The following SMAD2 variants were observed in gnomAD, a reference collection of about 807,000 sequenced individuals.
SMAD2 encodes the protein MAD homolog 2.
SMAD2 carries 8 observed loss-of-function variants against 64.4 expected under a neutral mutation model. The observed-to-expected ratio is 0.12, with a 90% CI of 0.07 to 0.22. The LOEUF (loss-of-function observed/expected upper bound fraction) is 0.22. Ranked by LOEUF, SMAD2 falls within the 10% of genes least tolerant of loss-of-function variation. The pLI, the probability that SMAD2 is intolerant of heterozygous loss-of-function variation, is 1.00. For synonymous variants in SMAD2, 203 were observed against 195.8 expected, an observed-to-expected ratio of 1.04 and a Z score of -0.31; for missense variants, 289 against 561.2, an observed-to-expected ratio of 0.51 and a Z score of 4.90.
In SMAD2 at chr18:47,816,883, C is replaced by T. The variant is rs1464867337; in HGVS notation, c.*24944G>A. On this transcript the variant is annotated 3_prime_UTR_variant, in exon 11 of 11. Coordinates refer to ENST00000262160, the MANE Select transcript of SMAD2 (RefSeq NM_005901.6). ...GTTCAAGCCAATCTTCTGCCTCAGC[C>T]TCCCAAGTAGCGGGATCATAGGCAC... 2 of 151,922 alleles carry T rather than the reference C, an allele frequency of 1.3e-5. No individual in the cohort carries two copies. Among genetic ancestry groups the T allele is most frequent in the African/African-American group, 4.8e-5 (2 of 41,320 alleles). 9.4% of individuals were successfully genotyped at this position (151,922 alleles called of 1,614,324 possible).
rs535715452 is a variant in SMAD2, at chr18:47,825,825, C to A, written c.*16002G>T. 41 of 152,286 alleles carry A rather than the reference C, an allele frequency of 2.7e-4. No individual in the cohort carries two copies. The highest frequency in any genetic ancestry group is 9.9e-4 in the African/African-American group (41 of 41,558). 9.4% of individuals were successfully genotyped at this position (152,286 alleles called of 1,614,324 possible). The stretch of plus-strand genomic sequence containing the variant: ...TTAAAACATGCCTTGATCAGTCAAC[C>A]AAATTACTGCTAAACCAGTATTGGG... On this transcript the variant is annotated 3_prime_UTR_variant, in exon 11 of 11. Coordinates refer to ENST00000262160, the MANE Select transcript of SMAD2 (RefSeq NM_005901.6).
At position 47,837,533 on chromosome 18, in the gene SMAD2, G is replaced by C. The variant is rs1445391155; in HGVS notation, c.*4294C>G. 3 of 215,284 alleles carry C rather than the reference G, an allele frequency of 1.4e-5. No individual in the cohort carries two copies. The highest frequency in any genetic ancestry group is 1.9e-4 in the South Asian group (1 of 5,136). The allele number at this position is 215,284 out of a possible 1,614,324, so 13.3% of individuals were successfully genotyped here. A position where few individuals can be genotyped will look rare whatever the true frequency, so the allele number is the denominator to read the frequency against. Reference sequence around the variant, plus strand: ...ACCAAGATCGCACCACTGCACTCCAGGTTGGGCAACAGAGCGAGACTCCCT... The same window carrying C: ...ACCAAGATCGCACCACTGCACTCCACGTTGGGCAACAGAGCGAGACTCCCT... On this transcript the variant is annotated 3_prime_UTR_variant, in exon 11 of 11. Coordinates refer to ENST00000262160, the MANE Select transcript of SMAD2 (RefSeq NM_005901.6).
intron 6 of SMAD2, among the ~76,000 whole-genome samples, chr18:47,852,747 G>T (rs1237186915): frequency 3.3e-5 from 5 of 151,970 alleles, no homozygotes; most frequent in African/African-American, 1.2e-4. Context: ...AAAATGATCT[G>T]TTTCTTCTTT....
Position 47,826,685 on chromosome 18 carries a change from T to C in SMAD2, c.*15142A>G, listed in dbSNP as rs1474170727. The C allele has an allele frequency of 6.6e-6, 1 of 152,238 alleles. No individual in the cohort carries two copies. Among genetic ancestry groups the C allele is most frequent in the African/African-American group, 2.4e-5 (1 of 41,460 alleles). The allele number at this position is 152,238 out of a possible 1,614,324, so 9.4% of individuals were successfully genotyped here. A position where few individuals can be genotyped will look rare whatever the true frequency, so the allele number is the denominator to read the frequency against. On this transcript the variant is annotated 3_prime_UTR_variant, in exon 11 of 11. Transcript: ENST00000262160. The stretch of plus-strand genomic sequence containing the variant: ...ATTGCTGCACACCACTGGGTTTTTG[T>C]GGTTGCTACGAGTTACTTTTGCGGC...
intron 1 of SMAD2, among the ~76,000 whole-genome samples, chr18:47,903,656 TA>T (rs1220894932): frequency 6.6e-6 from 1 of 151,882 alleles, no homozygotes; most frequent in African/African-American, 2.4e-5. Flanking sequence ...ATAAAAATGC[TA>T]AAGAAACTGA....
At chr18:47,889,501 G>A (rs1230382238) in intron 2 of SMAD2, among the ~76,000 whole-genome samples, 1 of 152,138 alleles carries the variant, frequency 6.6e-6, no homozygotes, top group Non-Finnish European at 1.5e-5. Flanking sequence ...GTCGGGCGCG[G>A]TGGCTCACAC....
chr18:47,917,984 C>A (rs1175565813), intron 1 of SMAD2, among the ~76,000 whole-genome samples: 1 of 152,174 alleles, frequency 6.6e-6, no homozygotes, highest in African/African-American at 2.4e-5. Flanking sequence ...TAACTCTAGG[C>A]TAGCTGTAGG....
At position 47,837,141 on chromosome 18, in the gene SMAD2, A is replaced by C. The variant is rs1293470071; in HGVS notation, c.*4686T>G. 4 of 202,854 alleles carry C rather than the reference A, an allele frequency of 2.0e-5. No homozygotes were observed. The highest frequency in any genetic ancestry group is 4.0e-5 in the Non-Finnish European group (4 of 98,858). 12.6% of individuals were successfully genotyped at this position (202,854 alleles called of 1,614,324 possible). Reference sequence around the variant, plus strand: ...AACAGAATTTTTGAGCCATTTGTAAAATTAAAATGATTGATCAATTTGAAT... The same window carrying C: ...AACAGAATTTTTGAGCCATTTGTAACATTAAAATGATTGATCAATTTGAAT... On this transcript the variant is annotated 3_prime_UTR_variant, in exon 11 of 11. Transcript: ENST00000262160.
rs1026044254 is a variant in SMAD2, at chr18:47,851,173, C to A, written c.784+101G>T. 3 of 832,770 alleles carry A rather than the reference C, an allele frequency of 3.6e-6. No homozygotes were observed. In the African/African-American group the frequency reaches 5.1e-5, roughly 14 times the overall value. 51.6% of individuals were successfully genotyped at this position (832,770 alleles called of 1,614,324 possible). The stretch of plus-strand genomic sequence containing the variant: ...TAATTATTTGGCTATTCATTAGGAT[C>A]CCTTTCTCGGATATATAAAAAATAA... On this transcript the variant is annotated intron_variant, in intron 7 of 10. Transcript: ENST00000262160.
chr18:47,930,807 CGGCTGGCGGGCTGCT>C (rs1246949797), upstream of SMAD2: 1 of 147,472 alleles, frequency 6.8e-6, no homozygotes, highest in African/African-American at 2.4e-5. Context: ...CACCTCCCGG[CGGCTGGCGGGCTGCT>C]GGCTGGCGAG....
chr18:47,921,776 T>A (rs935490415), intron 1 of SMAD2, among the ~76,000 whole-genome samples: 1 of 152,250 alleles, frequency 6.6e-6, no homozygotes, highest in Non-Finnish European at 1.5e-5. Context: ...TAAAGTTGAC[T>A]GATTTTTCTA....
At chr18:47,850,136 G>C (rs1331463232) in intron 7 of SMAD2, among the ~76,000 whole-genome samples, 5 of 124,954 alleles carry the variant, frequency 4.0e-5, no homozygotes, top group Non-Finnish European at 7.9e-5. Context: ...GTTATGAAGG[G>C]ACCATACACA....
chr18:47,879,734 A>G (rs956098947), intron 2 of SMAD2, among the ~76,000 whole-genome samples: 5 of 152,086 alleles, frequency 3.3e-5, no homozygotes, highest in African/African-American at 1.2e-4. Context: ...GGATAGATGC[A>G]TGTTTAGCTT....
At chr18:47,879,873 G>C (rs2032487754) in intron 2 of SMAD2, among the ~76,000 whole-genome samples, 1 of 152,058 alleles carries the variant, frequency 6.6e-6, no homozygotes, top group Admixed American at 6.6e-5. Flanking sequence ...TTAAATTATA[G>C]GTAGTCTGAT....
chr18:47,881,889 G>GTTTT (rs2032612889), intron 2 of SMAD2, among the ~76,000 whole-genome samples: 1 of 151,762 alleles, frequency 6.6e-6, no homozygotes, highest in Admixed American at 6.6e-5. Context: ...TTGTTTGTTT[G>GTTTT]TTTTGCCCGA....
At chr18:47,843,464 C>T (rs531059824) in intron 10 of SMAD2, among the ~76,000 whole-genome samples, 2 of 152,198 alleles carry the variant, frequency 1.3e-5, no homozygotes, top group Admixed American at 6.5e-5. Flanking sequence ...GGCTGCCACT[C>T]GATTAAATAC....
chr18:47,866,160 C>T (rs1792672), intron 5 of SMAD2, among the ~76,000 whole-genome samples: 89,068 of 151,262 alleles, frequency 0.59, 26,573 homozygotes, highest in East Asian at 0.81. Flanking sequence ...CTACTAAAAA[C>T]ACAAAATTAG....
intron 1 of SMAD2, among the ~76,000 whole-genome samples, chr18:47,924,928 T>TTCACTATGCTACTTCCTCAGATC (rs1358581031): frequency 6.6e-6 from 1 of 152,252 alleles, no homozygotes; most frequent in East Asian, 1.9e-4. Context: ...AGATCACAGA[T>TTCACTATGCTACTTCCTCAGATC]TCACTATGCT....
In SMAD2 at chr18:47,826,092, C is replaced by T. The variant is rs888261567; in HGVS notation, c.*15735G>A. The T allele has an allele frequency of 6.6e-6, 1 of 152,218 alleles. No homozygotes were observed. The highest frequency in any genetic ancestry group is 1.5e-5 in the Non-Finnish European group (1 of 68,052). 9.4% of individuals were successfully genotyped at this position (152,218 alleles called of 1,614,324 possible). A position where few individuals can be genotyped will look rare whatever the true frequency, so the allele number is the denominator to read the frequency against. On this transcript the variant is annotated 3_prime_UTR_variant, in exon 11 of 11. Transcript: ENST00000262160. ...ATGTGATAATGGCCAGGAGCAACCA[C>T]AATGATTAACCTTTAGATAGAAAAC...
Sources: allele counts gnomAD v4.1 joint callset (sites outside exome capture counted in the v4.1 genomes callset), GRCh38; gene constraint gnomAD v4.1.1; transcripts MANE v1.5; gene names NCBI Gene and HGNC (gene_info 2026-07-23, HGNC 2026-07-21).